Variants in MID1 observed in about 807,000 individuals in gnomAD.
MID1 encodes the protein midline 1.
In MID1, 7 loss-of-function variants were observed where a neutral mutation model predicts 40.4. The ratio of observed to expected loss-of-function variants is 0.17; its 90% CI spans 0.10 to 0.33. The LOEUF (loss-of-function observed/expected upper bound fraction) is 0.33. Ranked by LOEUF, MID1 falls within the 10% of genes least tolerant of loss-of-function variation. The pLI, the probability that MID1 is intolerant of heterozygous loss-of-function variation, is 1.00. For missense variants in MID1, 367 were observed against 558.5 expected (o/e 0.66, Z 3.46); for synonymous variants, 229 against 221.2 (o/e 1.04, Z -0.31).
intron 3 of MID1, among the ~76,000 whole-genome samples, chrX:10,513,548 GC>G (rs1440350305): frequency 8.9e-6 from 1 of 112,002 alleles, no homozygotes; most frequent in Non-Finnish European, 1.9e-5. Flanking sequence ...TGGCTCTATT[GC>G]CCAGTCTGGA....
chrX:10,713,575 G>C (rs183100009), intron 1 of MID1, among the ~76,000 whole-genome samples: 1 of 111,675 alleles, frequency 9.0e-6, no homozygotes, highest in Admixed American at 9.4e-5. Context: ...CAATCCTCCC[G>C]CCTTGGCATC....
At chrX:10,577,141 A>C (rs950678730) in intron 1 of MID1, among the ~76,000 whole-genome samples, 2 of 112,166 alleles carry the variant, frequency 1.8e-5, no homozygotes, top group Non-Finnish European at 3.8e-5. Context: ...GGTCCAAAAA[A>C]ATGAGGACTT....
At chrX:10,822,931 A>G (rs747008595) in intron 1 of MID1, among the ~76,000 whole-genome samples, 2 of 112,064 alleles carry the variant, frequency 1.8e-5, no homozygotes, top group South Asian at 7.5e-4. Context: ...TCAAAGATCT[A>G]GAGGCAGAAA....
intron 2 of MID1, among the ~76,000 whole-genome samples, chrX:10,544,202 C>T (rs956096118): frequency 1.8e-5 from 2 of 111,112 alleles, no homozygotes; most frequent in Non-Finnish European, 3.8e-5. Flanking sequence ...TCATTTCATT[C>T]ATTTTTTTTT....
chrX:10,766,006 A>C (rs746384464), intron 1 of MID1, among the ~76,000 whole-genome samples: 30 of 105,366 alleles, frequency 2.8e-4, no homozygotes, highest in Non-Finnish European at 3.6e-4. Context: ...AAAGAAAGAA[A>C]GAACCAAAAC....
Position 10,710,127 on chromosome X carries a change from G to A in MID1, c.-186-89708C>T, listed in dbSNP as rs940439502. ...CGGTCAATTGTTATTACAGGTGTGG[G>A]AACTTGTTGCTGGCAATGAGAGAAT... On this transcript the variant is annotated intron_variant, in intron 1 of 10. Transcript: ENST00000380785. Among the ~76,000 whole-genome samples, 11 of 111,677 alleles carry A rather than the reference G, an allele frequency of 9.8e-5. No homozygotes were observed. In the South Asian group the frequency reaches 1.9e-3, roughly 19 times the overall value.
chrX:10,449,778 C>T (rs896745113), intron 9 of MID1, 62 bp from the exon 10 acceptor site: 2 of 814,363 alleles, frequency 2.5e-6, no homozygotes, highest in Admixed American at 2.4e-5. Flanking sequence ...ACGTTAAATC[C>T]GTTCTGTGGT....
chrX:10,661,161 T>C (rs983082954), intron 1 of MID1, among the ~76,000 whole-genome samples: 39 of 111,642 alleles, frequency 3.5e-4, no homozygotes, highest in African/African-American at 1.3e-3. Flanking sequence ...TTTTGCCATA[T>C]GAAAATCTAT....
chrX:10,570,982 G>C (rs113199032), intron 1 of MID1, among the ~76,000 whole-genome samples: 3 of 88,759 alleles, frequency 3.4e-5, no homozygotes, highest in South Asian at 5.7e-4. Context: ...AGCAAGACTT[G>C]AACAAGCACT....
At position 10,449,491 on chromosome X, in the gene MID1, G is replaced by A; in HGVS notation, c.1881C>T (p.Tyr627=). Residue 627 remains tyrosine (Y), a synonymous_variant, in exon 10 of 10, where the codon TAC becomes TAT. Transcript: ENST00000317552. ...FYDALNSIHL[Y]TFDVAFAQPV... is the part of the protein sequence containing the mutation. ...GCTGCGCAAATGCGACGTCGAAGGT[G>A]TAGAGGTGGATGGAGTTCAAAGCAT... 2 of 1,211,887 alleles carry A rather than the reference G, an allele frequency of 1.7e-6. No individual in the cohort carries two copies. Among genetic ancestry groups the A allele is most frequent in the Non-Finnish European group, 2.2e-6 (2 of 895,422 alleles).
rs753187322 is a variant in MID1, at chrX:10,699,910, C to A, written c.-186-79491G>T. On this transcript the variant is annotated intron_variant, in intron 1 of 10. Coordinates refer to the MID1 transcript ENST00000380785. ...CGATCTCGGCTCACTGCAACCTCCG[C>A]CTCCTGGGTTCAAGTGATTTTCCTG... Among the ~76,000 whole-genome samples, 4 of 108,876 alleles carry A rather than the reference C, an allele frequency of 3.7e-5. No homozygotes were observed. In the East Asian group the frequency reaches 1.2e-3, roughly 32 times the overall value. 94.5% of individuals were successfully genotyped at this position (108,876 alleles called of 115,157 possible).
chrX:10,812,359 TGGAAA>T (rs1291477297), intron 1 of MID1, among the ~76,000 whole-genome samples: 1 of 111,325 alleles, frequency 9.0e-6, no homozygotes, highest in Non-Finnish European at 1.9e-5. Flanking sequence ...TTAAGACAGG[TGGAAA>T]GGAAAGAGAA....
chrX:10,631,886 A>G (rs1275854502), intron 1 of MID1, among the ~76,000 whole-genome samples: 2 of 111,805 alleles, frequency 1.8e-5, no homozygotes, highest in South Asian at 3.7e-4. Context: ...ATATTTACCT[A>G]TGTCCCAGAT....
chrX:10,765,608 T>C (rs1473262535), intron 1 of MID1, among the ~76,000 whole-genome samples: 2 of 111,760 alleles, frequency 1.8e-5, no homozygotes, highest in African/African-American at 3.3e-5. Flanking sequence ...ATGTTGCCAA[T>C]GTGGGCTTTT....
chrX:10,741,183 T>C (rs771064341), intron 1 of MID1, among the ~76,000 whole-genome samples: 1 of 112,340 alleles, frequency 8.9e-6, no homozygotes, highest in East Asian at 2.8e-4. Flanking sequence ...ATTTTGCTGA[T>C]AGGACATTAG....
At chrX:10,689,789 A>AT (rs954318941) in intron 1 of MID1, among the ~76,000 whole-genome samples, 1 of 107,243 alleles carries the variant, frequency 9.3e-6, no homozygotes, top group African/African-American at 3.4e-5. Flanking sequence ...CTCCTTACAC[A>AT]TTTTTTCCCC....
At chrX:10,622,177 A>G (rs1280669445), upstream of MID1, among the ~76,000 whole-genome samples, 2 of 109,963 alleles carry the variant, frequency 1.8e-5, no homozygotes, top group Non-Finnish European at 1.9e-5. Flanking sequence ...CCCACTGACA[A>G]AGGACTCTGA....
intron 1 of MID1, among the ~76,000 whole-genome samples, chrX:10,670,021 A>G (rs2042978188): frequency 8.9e-6 from 1 of 111,967 alleles, no homozygotes; most frequent in African/African-American, 3.2e-5. Flanking sequence ...GGGCTGAGAC[A>G]GAAGACAGGA....
intron 2 of MID1, among the ~76,000 whole-genome samples, chrX:10,530,918 C>G (rs1383325349): frequency 8.9e-6 from 1 of 112,101 alleles, no homozygotes; most frequent in African/African-American, 3.2e-5. Context: ...ATGCTTGAAA[C>G]AGGAGATTTC....
Sources: gnomAD v4.1 joint callset for allele counts (sites outside exome capture counted in the v4.1 genomes callset) on GRCh38, gnomAD v4.1.1 for gene constraint, MANE v1.5 for transcripts, NCBI Gene and HGNC (gene_info 2026-07-23, HGNC 2026-07-21) for gene names.